The following ZRANB3 variants were observed in gnomAD, a reference collection of about 807,000 sequenced individuals.
ZRANB3 encodes zinc finger RANBP2-type containing 3.
In ZRANB3, 125 loss-of-function variants were observed where a neutral mutation model predicts 133.8. The ratio of observed to expected loss-of-function variants is 0.93; its 90% confidence interval spans 0.81 to 1.08. The LOEUF (loss-of-function observed/expected upper bound fraction) is 1.08. ZRANB3 is among the 50% of genes least tolerant of loss of function. The pLI is 0.00. For synonymous variants in ZRANB3, 387 were observed against 432.7 expected (o/e 0.89, Z 1.31); for missense variants, 1,229 against 1,275.5 (o/e 0.96, Z 0.56).
At chr2:135,226,383 T>C (rs1004490725) in intron 14 of ZRANB3, among the ~76,000 whole-genome samples, 5 of 152,226 alleles carry the variant, frequency 3.3e-5, no homozygotes, top group African/African-American at 7.2e-5. Context: ...GCATTTAACA[T>C]AGTGTGCCTA....
At chr2:135,228,779 A>G (rs1036919597) in intron 13 of ZRANB3, among the ~76,000 whole-genome samples, 11 of 152,122 alleles carry the variant, frequency 7.2e-5, no homozygotes, top group South Asian at 6.2e-4. Context: ...ATATAAATCT[A>G]ATAATTATAT....
At chr2:135,460,652 A>C (rs1326900325) in intron 2 of ZRANB3, among the ~76,000 whole-genome samples, 1 of 152,148 alleles carries the variant, frequency 6.6e-6, no homozygotes, top group East Asian at 1.9e-4. Flanking sequence ...CTGCATGATG[A>C]AACTGCATAA....
chr2:135,207,994 T>A (rs187588543), intron 18 of ZRANB3, among the ~76,000 whole-genome samples, 158 bp from the exon 19 acceptor site: 2 of 152,330 alleles, frequency 1.3e-5, no homozygotes, highest in East Asian at 3.9e-4. Flanking sequence ...CTATATTCCA[T>A]GCCAAGTAAA....
At chr2:135,325,527 G>A (rs552426224) in intron 6 of ZRANB3, among the ~76,000 whole-genome samples, 10 of 152,120 alleles carry the variant, frequency 6.6e-5, no homozygotes, top group East Asian at 1.9e-4. Flanking sequence ...CTGTAGCTGC[G>A]ACTACAGGTG....
At chr2:135,440,101 T>A (rs1019401842) in intron 2 of ZRANB3, among the ~76,000 whole-genome samples, 2 of 152,188 alleles carry the variant, frequency 1.3e-5, no homozygotes, top group African/African-American at 2.4e-5. Context: ...CCCTACTATC[T>A]ACATCAAGGC....
At chr2:135,371,309 CTTGGAG>C (rs1192641106) in intron 3 of ZRANB3, among the ~76,000 whole-genome samples, 2 of 152,158 alleles carry the variant, frequency 1.3e-5, no homozygotes, top group East Asian at 3.9e-4. Context: ...TTACGATGCA[CTTGGAG>C]GTGTTAATGT....
intron 13 of ZRANB3, 109 bp from the exon 14 acceptor site, chr2:135,228,124 A>AC: frequency 1.4e-5 from 13 of 950,392 alleles, no homozygotes; most frequent in Non-Finnish European, 1.8e-5. Flanking sequence ...ATGTTTATTC[A>AC]TATGTTCAAA....
intron 1 of ZRANB3, among the ~76,000 whole-genome samples, chr2:135,522,310 T>C (rs1472149305): frequency 6.6e-6 from 1 of 152,126 alleles, no homozygotes; most frequent in Non-Finnish European, 1.5e-5. Context: ...TGTAAACCAA[T>C]AAATTGGGTG....
chr2:135,510,013 A>C, intron 1 of ZRANB3, among the ~76,000 whole-genome samples: 1 of 152,248 alleles, frequency 6.6e-6, no homozygotes, highest in South Asian at 2.1e-4. Context: ...ACCAGCGAGA[A>C]TCAAAATTGT....
At chr2:135,505,135 A>T (rs1693117239) in intron 1 of ZRANB3, among the ~76,000 whole-genome samples, 1 of 152,164 alleles carries the variant, frequency 6.6e-6, no homozygotes, top group South Asian at 2.1e-4. Context: ...ATTTTCTATG[A>T]CATAAAAATG....
At chr2:135,415,503 T>C (rs1277153884) in intron 2 of ZRANB3, among the ~76,000 whole-genome samples, 4 of 152,108 alleles carry the variant, frequency 2.6e-5, no homozygotes, top group East Asian at 1.9e-4. Flanking sequence ...ACCAGATGGA[T>C]TCACAGCCGA....
At chr2:135,257,275 T>C (rs1278817162) in intron 12 of ZRANB3, among the ~76,000 whole-genome samples, 2 of 152,248 alleles carry the variant, frequency 1.3e-5, no homozygotes, top group Non-Finnish European at 2.9e-5. Context: ...TAACCTTCTC[T>C]TGAGGTCTGG....
intron 2 of ZRANB3, among the ~76,000 whole-genome samples, chr2:135,458,656 G>A (rs1280519337): frequency 6.6e-6 from 1 of 151,998 alleles, no homozygotes; most frequent in East Asian, 1.9e-4. Context: ...AATTCTTCCA[G>A]ACAGTCCCTA....
At chr2:135,481,111 G>A (rs968872305) in intron 2 of ZRANB3, among the ~76,000 whole-genome samples, 8 of 151,824 alleles carry the variant, frequency 5.3e-5, no homozygotes, top group African/African-American at 9.7e-5. Flanking sequence ...ATGATTTATA[G>A]TCCTTTGGGT....
intron 4 of ZRANB3, among the ~76,000 whole-genome samples, chr2:135,351,393 G>A (rs978889657): frequency 1.3e-5 from 2 of 149,336 alleles, no homozygotes; most frequent in African/African-American, 4.9e-5. Context: ...TCAGCCTCCC[G>A]AGTAGCTGGG....
intron 6 of ZRANB3, among the ~76,000 whole-genome samples, chr2:135,337,836 G>T (rs1322344883): frequency 6.6e-6 from 1 of 152,098 alleles, no homozygotes; most frequent in African/African-American, 2.4e-5. Context: ...TAAAATAAAT[G>T]TAACAGTGTC....
intron 3 of ZRANB3, among the ~76,000 whole-genome samples, chr2:135,361,226 T>A (rs1470980545): frequency 1.3e-5 from 2 of 152,232 alleles, no homozygotes; most frequent in Non-Finnish European, 2.9e-5. Context: ...TAGAATTTGT[T>A]AATGTGGAAC....
At position 135,197,779 on chromosome 2, in the gene ZRANB3, G is replaced by A. The variant is rs1020170720; in HGVS notation, c.*2563C>T. On this transcript the variant is annotated 3_prime_UTR_variant, in exon 21 of 21. Coordinates refer to ENST00000264159, the MANE Select transcript of ZRANB3 (RefSeq NM_032143.4). ...TTTCATATGGTTCCCTATCGTAAGC[G>A]AGTTCCTTCGTCACCTACCACTTCC... The A allele has an allele frequency of 6.6e-6, 1 of 152,218 alleles. No homozygotes were observed. Among genetic ancestry groups the A allele is most frequent in the Non-Finnish European group, 1.5e-5 (1 of 68,110 alleles). 9.4% of individuals were successfully genotyped at this position (152,218 alleles called of 1,614,324 possible).
In ZRANB3 at chr2:135,521,404, G is replaced by A. The variant is rs555460670; in HGVS notation, c.-8+9723C>T. Reference sequence around the variant, plus strand: ...TCCACTGAAAGTACAAAAATTAGCCGGGCATGGTGGCAAGCTACTTGGGAG... The same window carrying A: ...TCCACTGAAAGTACAAAAATTAGCCAGGCATGGTGGCAAGCTACTTGGGAG... On this transcript the variant is annotated intron_variant, in intron 1 of 20. Coordinates refer to ENST00000264159, the MANE Select transcript of ZRANB3 (RefSeq NM_032143.4). Among the ~76,000 whole-genome samples the A allele has an allele frequency of 3.9e-4, 60 of 152,196 alleles. 1 individual carries two copies. The highest frequency in any genetic ancestry group is 3.4e-3 in the Middle Eastern group (1 of 294).
Sources: allele counts gnomAD v4.1 joint callset (sites outside exome capture counted in the v4.1 genomes callset), GRCh38; gene constraint gnomAD v4.1.1; transcripts MANE v1.5; gene names NCBI Gene and HGNC (gene_info 2026-07-23, HGNC 2026-07-21).